CUX1: variants seen among roughly 807,000 people sequenced by gnomAD.
CUX1 encodes protein CASP.
Under a neutral mutation model 158.8 loss-of-function variants are expected in CUX1, and 31 were observed. The ratio of observed to expected loss-of-function variants is 0.20; its 90% CI spans 0.15 to 0.26. CUX1 has a LOEUF of 0.26. CUX1 is among the 10% of genes least tolerant of loss of function. The probability of loss-of-function intolerance (pLI) is 1.00; values close to 1 mark genes in which losing one functional copy is unlikely to be tolerated. For synonymous variants in CUX1, 879 were observed against 862.1 expected, an observed-to-expected ratio of 1.02 and a Z score of -0.34; for missense variants, 1,589 against 2,014.6, an observed-to-expected ratio of 0.79 and a Z score of 4.04.
intron 8 of CUX1, among the ~76,000 whole-genome samples, chr7:102,141,458 G>A (rs79283040): frequency 0.01 from 1,567 of 152,324 alleles, 9 homozygotes; most frequent in Admixed American, 0.019. Flanking sequence ...AGGAGCTTGG[G>A]TTGGTCAGAA....
intron 20 of CUX1, among the ~76,000 whole-genome samples, chr7:102,222,509 A>G (rs1433719493): frequency 1.3e-5 from 2 of 152,114 alleles, no homozygotes; most frequent in Non-Finnish European, 2.9e-5. Context: ...GGAGAATTGA[A>G]TGAAGCCACA....
intron 2 of CUX1, among the ~76,000 whole-genome samples, chr7:101,947,498 A>C (rs549068530): frequency 6.6e-6 from 1 of 152,386 alleles, no homozygotes. Flanking sequence ...CACCTTCATC[A>C]GTTTCTTAAA....
At chr7:102,165,898 A>G (rs1790976812) in intron 9 of CUX1, among the ~76,000 whole-genome samples, 2 of 152,186 alleles carry the variant, frequency 1.3e-5, no homozygotes, top group Admixed American at 1.3e-4. Context: ...GGTGGAAACC[A>G]TCTCTGTATT....
chr7:102,117,316 T>C (rs1183152941), intron 8 of CUX1, among the ~76,000 whole-genome samples: 1 of 145,850 alleles, frequency 6.9e-6, no homozygotes, highest in Non-Finnish European at 1.5e-5. Context: ...GAGAATCGCT[T>C]GAACTCTGGA....
At chr7:101,958,362 CCTGAAG>C (rs1810018339) in intron 2 of CUX1, among the ~76,000 whole-genome samples, 2 of 85,836 alleles carry the variant, frequency 2.3e-5, no homozygotes, top group South Asian at 3.6e-4. Flanking sequence ...GTGGGCCCGG[CCTGAAG>C]CTGCAGCAGC....
intron 4 of CUX1, among the ~76,000 whole-genome samples, chr7:102,093,087 T>G (rs1355951660): frequency 6.6e-6 from 1 of 151,740 alleles, no homozygotes; most frequent in Admixed American, 6.6e-5. Flanking sequence ...TTGGTTCCGT[T>G]GCTTAGGAAA....
In CUX1 at chr7:102,253,287, T is replaced by G; in HGVS notation, c.*4245T>G. 1.0e-6 allele frequency: 1 copy of G among 985,550 alleles called. No individual in the cohort carries two copies. Among genetic ancestry groups the G allele is most frequent in the South Asian group, 4.7e-5 (1 of 21,286 alleles). The allele number at this position is 985,550 out of a possible 1,614,324, so 61.1% of individuals were successfully genotyped here. On this transcript the variant is annotated 3_prime_UTR_variant, in exon 24 of 24. Transcript: ENST00000292535. ...GGCCAGCTCTCATACCCCATCTCCC[T>G]CCTTGGCCAGGGCCAGCATCAGGCG...
Position 102,197,052 on chromosome 7 carries a change from G to C in CUX1, c.1641G>C (p.Glu547Asp), listed in dbSNP as rs782123498. ...CAGAAAGTGCTGGGAGCGTCTCCGA[G>C]GGCGAGGAGATGGACACTGCAGAAA... The part of the protein sequence containing the change: ...SQSESAGSVS[E>D]GEEMDTAEIA... The change falls in exon 15 of 24, where the codon GAG (glutamate) becomes GAC (aspartate). Residue 547 changes from glutamate (E) to aspartate (D), a missense_variant. Around this residue, in one of 8 missense-constraint regions of CUX1, gnomAD observed 515 missense variants for 574.4 expected, o/e 0.90. Coordinates refer to ENST00000292535, the MANE Select transcript of CUX1 (RefSeq NM_181552.4). 2.5e-6 allele frequency: 4 copies of C among 1,614,216 alleles called. No individual in the cohort carries two copies. The highest frequency in any genetic ancestry group is 3.4e-6 in the Non-Finnish European group (4 of 1,180,044).
exon 23 of CUX1, chr7:102,283,201 C>A: frequency 1.1e-6 from 1 of 901,900 alleles, no homozygotes; most frequent in Non-Finnish European, 1.8e-6. Flanking sequence ...CTGCCCTTAT[C>A]CGCTGTCCAG....
intron 3 of CUX1, among the ~76,000 whole-genome samples, chr7:102,034,776 A>C (rs35065082): frequency 6.6e-6 from 1 of 151,476 alleles, no homozygotes; most frequent in Admixed American, 6.6e-5. Flanking sequence ...AAATACAAAA[A>C]CAAAAAATTA....
chr7:102,196,926 G>A lies in CUX1; in HGVS notation c.1515G>A (p.Met505Ile), dbSNP rs200925683. Reference sequence around the variant, plus strand: ...TGCAGGAAGCCGGAAGCACAAGCATGATTTTTTCAACAGGTCCATACAGCA... The same window carrying A: ...TGCAGGAAGCCGGAAGCACAAGCATAATTTTTTCAACAGGTCCATACAGCA... ...KAMQEAGSTS[M>I]IFSTGPYSTN... Residue 505 changes from methionine to isoleucine, a missense_variant, in exon 15 of 24, where the codon ATG becomes ATA. This residue lies in a region of CUX1 where 515 missense variants were observed against 574.4 expected (regional missense o/e 0.90). Transcript: ENST00000292535. 5.8e-5 allele frequency: 94 copies of A among 1,614,168 alleles called. No homozygotes were observed. In the Admixed American group the frequency reaches 7.5e-4, roughly 13 times the overall value.
intron 3 of CUX1, among the ~76,000 whole-genome samples, chr7:102,037,354 C>CTTTTT (rs769552921): frequency 5.7e-5 from 8 of 139,454 alleles, no homozygotes; most frequent in South Asian, 4.6e-4. Context: ...CTTTTCTTTT[C>CTTTTT]TTTTTTTTTT....
chr7:102,140,079 A>G (rs1554499790), intron 8 of CUX1, among the ~76,000 whole-genome samples: 1 of 152,242 alleles, frequency 6.6e-6, no homozygotes, highest in African/African-American at 2.4e-5. Context: ...ATTTAACACA[A>G]GACACAGCAT....
chr7:101,958,201 A>G (rs900278415), intron 2 of CUX1, among the ~76,000 whole-genome samples: 3 of 152,076 alleles, frequency 2.0e-5, no homozygotes, highest in African/African-American at 4.8e-5. Context: ...CCTCCAACCC[A>G]AAGGTGGGAA....
At chr7:101,873,098 C>T (rs1182046916) in intron 1 of CUX1, among the ~76,000 whole-genome samples, 2 of 151,730 alleles carry the variant, frequency 1.3e-5, no homozygotes, top group East Asian at 3.9e-4. Context: ...GTCTTGATCT[C>T]CTGACCTTGT....
chr7:102,143,091 G>A (rs1047980136), intron 8 of CUX1, among the ~76,000 whole-genome samples: 3 of 152,158 alleles, frequency 2.0e-5, no homozygotes, highest in Non-Finnish European at 4.4e-5. Context: ...ATGGCCAGGG[G>A]GCTCAATGGA....
intron 8 of CUX1, among the ~76,000 whole-genome samples, chr7:102,127,275 T>A (rs1832741538): frequency 6.6e-6 from 1 of 152,198 alleles, no homozygotes; most frequent in Non-Finnish European, 1.5e-5. Context: ...TGCACTATCA[T>A]AGCTCACTGC....
chr7:102,280,838 G>A lies in CUX1; in HGVS notation c.1799G>A (p.Trp600Ter). ...AGGAAGTACCTGAGCTTGAGTCCCTGGGACAAGGCCACCCTCAGCATGGTG... is the reference window on the plus strand; with the variant it reads ...AGGAAGTACCTGAGCTTGAGTCCCTAGGACAAGGCCACCCTCAGCATGGTG... The change falls in exon 20 of 23, where the codon TGG becomes TAG. Residue 600 changes from tryptophan (W) to a stop codon, truncating the protein, a stop_gained. Transcript: ENST00000292538. LOFTEE classifies it high-confidence loss of function. The A allele has an allele frequency of 6.2e-7, 1 of 1,612,762 alleles. No homozygotes were observed. The highest frequency in any genetic ancestry group is 8.5e-7 in the Non-Finnish European group (1 of 1,179,942).
At chr7:102,244,510 C>T (rs982414075) in intron 23 of CUX1, among the ~76,000 whole-genome samples, 16 of 139,412 alleles carry the variant, frequency 1.1e-4, no homozygotes, top group Admixed American at 7.8e-4. Flanking sequence ...CCAGACTGGG[C>T]AACATAGTGA....
Sources: gnomAD v4.1 joint callset for allele counts (sites outside exome capture counted in the v4.1 genomes callset) on GRCh38, gnomAD v4.1.1 for gene constraint, gnomAD v4.1.1 regional missense constraint, MANE v1.5 for transcripts, NCBI Gene and HGNC (gene_info 2026-07-23, HGNC 2026-07-21) for gene names.